The following SLC7A11 variants were observed in gnomAD, a reference collection of about 807,000 sequenced individuals.
The protein encoded by SLC7A11 is solute carrier family 7 member 11, also known as cystine/glutamate transporter.
A neutral mutation model predicts 54.5 loss-of-function variants in SLC7A11; 35 were observed. The ratio of observed to expected loss-of-function variants is 0.64; its 90% CI spans 0.49 to 0.85. The LOEUF is 0.85. Ranked by LOEUF, SLC7A11 falls within the 40% of genes least tolerant of loss-of-function variation. The probability of loss-of-function intolerance (pLI) is 0.00; values close to 1 mark genes in which losing one functional copy is unlikely to be tolerated. For missense variants in SLC7A11, 583 were observed against 618.1 expected (o/e 0.94, Z 0.60); for synonymous variants, 230 against 225.2 (o/e 1.02, Z -0.19).
At chr4:138,214,472 G>A (rs1361111503) in intron 6 of SLC7A11, 113 bp downstream of exon 6, 11 of 500,472 alleles carry the variant, frequency 2.2e-5, no homozygotes, top group Non-Finnish European at 3.3e-5. Context: ...TGATGATGAC[G>A]ATGTTAAGGT....
chr4:138,182,311 C>T lies in SLC7A11; in HGVS notation c.1102G>A (p.Ala368Thr). ...IHVRKHTPLP[A>T]VIVLHPLTMI... The stretch of plus-strand genomic sequence containing the variant: ...ATATGCATTACCAAAACAATAACAG[C>T]TGGTAGAGGAGTGTGCTTGCGGACA... The change falls in exon 9 of 12, where the codon GCT becomes ACT. Residue 368 changes from alanine (A) to threonine (T), a missense_variant. By Grantham distance (58) the Ala-to-Thr change is moderately conservative. Coordinates refer to ENST00000280612, the MANE Select transcript of SLC7A11 (RefSeq NM_014331.4). 6.2e-7 allele frequency: 1 copy of T among 1,606,054 alleles called. No homozygotes were observed. Among genetic ancestry groups the T allele is most frequent in the Non-Finnish European group, 8.5e-7 (1 of 1,173,218 alleles).
Position 138,183,293 on chromosome 4 carries a change from G to A in SLC7A11, c.928C>T (p.Arg310Trp), listed in dbSNP as rs762441011. The stretch of plus-strand genomic sequence containing the variant: ...GCTAATGAGAAATTTCCCAGTAGCC[G>A]CTCAGAAAAGGTCTAGTGAAAGAAA... ...SNAVAVTFSE[R>W]LLGNFSLAVP... is the part of the protein sequence containing the mutation. The change falls in exon 8 of 12, where the codon CGG (arginine) becomes TGG (tryptophan). Residue 310 changes from arginine to tryptophan, a missense_variant. By Grantham distance (101) the Arg-to-Trp change is moderately radical (BLOSUM62 -3). Transcript: ENST00000280612. The A allele has an allele frequency of 1.2e-6, 2 of 1,608,620 alleles. No individual in the cohort carries two copies. Among genetic ancestry groups the A allele is most frequent in the Admixed American group, 1.7e-5 (1 of 59,646 alleles).
chr4:138,188,586 T>G (rs1284739021), intron 6 of SLC7A11, among the ~76,000 whole-genome samples: 1 of 152,178 alleles, frequency 6.6e-6, no homozygotes, highest in African/African-American at 2.4e-5. Context: ...TATCAAAGTG[T>G]AAGAGCCACT....
intron 11 of SLC7A11, among the ~76,000 whole-genome samples, chr4:138,173,906 G>T (rs897867367): frequency 6.6e-6 from 1 of 152,070 alleles, no homozygotes; most frequent in South Asian, 2.1e-4. Context: ...ATAAAAATAG[G>T]CATTTGTGGG....
At chr4:138,197,223 C>G (rs1012239021) in intron 6 of SLC7A11, among the ~76,000 whole-genome samples, 3 of 151,990 alleles carry the variant, frequency 2.0e-5, no homozygotes, top group Non-Finnish European at 4.4e-5. Flanking sequence ...CATGTTTAAT[C>G]TAAGGCAATT....
At chr4:138,188,723 T>C (rs1032132058) in intron 6 of SLC7A11, among the ~76,000 whole-genome samples, 2 of 152,144 alleles carry the variant, frequency 1.3e-5, no homozygotes, top group Non-Finnish European at 2.9e-5. Flanking sequence ...TGAAGGGAAT[T>C]AGAGGAAGGA....
Position 138,238,025 on chromosome 4 carries a change from T to A in SLC7A11, c.278-1574A>T, listed in dbSNP as rs533749439. On this transcript the variant is annotated intron_variant, in intron 1 of 11. Transcript: ENST00000280612. Reference sequence around the variant, plus strand: ...GCCTTGGCCTCCCAAAGTGTTGGGATTACAGGCGTGAGCCACTGCGCCCGG... The same window carrying A: ...GCCTTGGCCTCCCAAAGTGTTGGGAATACAGGCGTGAGCCACTGCGCCCGG... 3.2e-4 allele frequency among the ~76,000 whole-genome samples: 49 copies of A among 151,982 alleles called. 1 individual carries two copies. In the South Asian group the frequency reaches 7.3e-3, roughly 23 times the overall value.
In SLC7A11 at chr4:138,241,790, C is replaced by T; in HGVS notation, c.277+3G>A. On this transcript the variant is annotated splice_donor_region_variant and intron_variant, in intron 1 of 11. Coordinates refer to ENST00000280612, the MANE Select transcript of SLC7A11 (RefSeq NM_014331.4). ...CCCCCACGAGAGAAAAAGTCGCACT[C>T]ACCAAATAGTGACAGGACCCCACAC... 1 of 1,611,192 alleles carries T rather than the reference C, an allele frequency of 6.2e-7. No homozygotes were observed. The highest frequency in any genetic ancestry group is 8.5e-7 in the Non-Finnish European group (1 of 1,177,592).
chr4:138,230,620 G>A (rs1180392290), intron 3 of SLC7A11, among the ~76,000 whole-genome samples: 1 of 152,044 alleles, frequency 6.6e-6, no homozygotes, highest in Admixed American at 6.6e-5. Flanking sequence ...TTCAATTCCA[G>A]GTTGTTTCCC....
intron 6 of SLC7A11, among the ~76,000 whole-genome samples, chr4:138,209,923 C>T (rs2148435347): frequency 6.6e-6 from 1 of 152,030 alleles, no homozygotes; most frequent in South Asian, 2.1e-4. Context: ...CAAAAAAGAG[C>T]CTAAATAGGC....
intron 7 of SLC7A11, 40 bp from the exon 8 acceptor site, chr4:138,183,345 GA>G: frequency 7.4e-7 from 1 of 1,358,906 alleles, no homozygotes; most frequent in Non-Finnish European, 1.0e-6. Context: ...TGCCTTGCCA[GA>G]AAGTGGAATA....
At chr4:138,228,857 A>C (rs1486811168) in intron 3 of SLC7A11, among the ~76,000 whole-genome samples, 1 of 152,124 alleles carries the variant, frequency 6.6e-6, no homozygotes, top group South Asian at 2.1e-4. Context: ...TTCCATCTTA[A>C]CTTCCACGCA....
At chr4:138,214,839 C>T (rs892832067) in intron 5 of SLC7A11, among the ~76,000 whole-genome samples, 1 of 152,024 alleles carries the variant, frequency 6.6e-6, no homozygotes, top group East Asian at 1.9e-4. Context: ...CAGAAATATA[C>T]AAGTGGTAAG....
intron 6 of SLC7A11, among the ~76,000 whole-genome samples, chr4:138,206,995 G>GAAAAA (rs1737424183): frequency 1.1e-4 from 2 of 18,414 alleles, no homozygotes; most frequent in African/African-American, 2.9e-4. Flanking sequence ...CTAAAGAAAA[G>GAAAAA]CAAAAAAAAA....
rs765133751 is a variant in SLC7A11 at position 138,164,678 on chromosome 4, C to T, written c.*7278G>A. 2.9e-4 allele frequency: 44 copies of T among 152,102 alleles called. No homozygotes were observed. Among genetic ancestry groups the T allele is most frequent in the Non-Finnish European group, 5.0e-4 (34 of 67,996 alleles). The allele number at this position is 152,102 out of a possible 1,614,324, so 9.4% of individuals were successfully genotyped here. ...ATTTGTATAAAATACACACAATCCC[C>T]TCTACTAAGTTTCATGATCACAGTG... On this transcript the variant is annotated 3_prime_UTR_variant, in exon 12 of 12. Transcript: ENST00000280612.
chr4:138,209,021 A>G (rs1737478232), intron 6 of SLC7A11, among the ~76,000 whole-genome samples: 1 of 152,056 alleles, frequency 6.6e-6, no homozygotes, highest in African/African-American at 2.4e-5. Context: ...TAGCAGCTCA[A>G]AAGTTATTTC....
chr4:138,186,437 C>G (rs1013927757), intron 6 of SLC7A11, among the ~76,000 whole-genome samples: 1 of 152,148 alleles, frequency 6.6e-6, no homozygotes, highest in African/African-American at 2.4e-5. Context: ...ACAGCGATAT[C>G]CCCTGTTGAA....
chr4:138,233,061 ATCTT>A (rs1164079445), intron 2 of SLC7A11, among the ~76,000 whole-genome samples: 4 of 152,124 alleles, frequency 2.6e-5, no homozygotes, highest in Admixed American at 6.5e-5. Flanking sequence ...TAGGTAATAC[ATCTT>A]TCTATTTTAA....
intron 11 of SLC7A11, chr4:138,177,501 C>T (rs1163853905): frequency 6.6e-6 from 1 of 151,822 alleles, no homozygotes; most frequent in African/African-American, 2.4e-5. Context: ...CCCCCACTTC[C>T]ACAAGGGATC....
Sources: allele counts gnomAD v4.1 joint callset (sites outside exome capture counted in the v4.1 genomes callset), GRCh38; gene constraint gnomAD v4.1.1; transcripts MANE v1.5; gene names NCBI Gene and HGNC (gene_info 2026-07-23, HGNC 2026-07-21).